Variants in SF1 observed in about 807,000 individuals in gnomAD.
The protein encoded by SF1 is branch point-binding protein.
Under a neutral mutation model 62.5 loss-of-function variants are expected in SF1, and 7 were observed. The ratio of observed to expected loss-of-function variants is 0.11; its 90% CI spans 0.06 to 0.21. The LOEUF (loss-of-function observed/expected upper bound fraction) is 0.21. Ranked by LOEUF, SF1 falls within the 10% of genes least tolerant of loss-of-function variation. SF1 has a pLI of 1.00. For synonymous variants in SF1, 394 were observed against 323.6 expected, an observed-to-expected ratio of 1.22 and a Z score of -2.33; for missense variants, 578 against 884.0, an observed-to-expected ratio of 0.65 and a Z score of 4.39.
chr11:64,771,224 G>A (rs1157817319), intron 3 of SF1, among the ~76,000 whole-genome samples: 1 of 152,088 alleles, frequency 6.6e-6, no homozygotes, highest in East Asian at 1.9e-4. Flanking sequence ...ATTTTTTTAA[G>A]GAGTAAAATG....
chr11:64,776,832 G>C (rs1188787073), intron 1 of SF1, among the ~76,000 whole-genome samples: 1 of 152,148 alleles, frequency 6.6e-6, no homozygotes, highest in Non-Finnish European at 1.5e-5. Context: ...GTGGTCCTTG[G>C]TCAGGCAAGT....
intron 2 of SF1, among the ~76,000 whole-genome samples, chr11:64,773,850 A>AG (rs1357852130): frequency 6.6e-6 from 1 of 152,238 alleles, no homozygotes; most frequent in Non-Finnish European, 1.5e-5. Flanking sequence ...ATTGGTACCC[A>AG]GAACCATAAA....
intron 1 of SF1, among the ~76,000 whole-genome samples, chr11:64,776,885 T>C (rs978360738): frequency 5.9e-5 from 9 of 152,190 alleles, no homozygotes; most frequent in African/African-American, 1.9e-4. Flanking sequence ...GTCAGATATA[T>C]AAACGTGGTA....
In SF1 at chr11:64,766,511, C is replaced by G. The variant is rs975652926; in HGVS notation, c.1583-356G>C. ...GCCACAGCTGCTGTCTCCCCACTGCCCAGTCCCACCTCTGCAGTCTCTCAC... is the reference window on the plus strand; with the variant it reads ...GCCACAGCTGCTGTCTCCCCACTGCGCAGTCCCACCTCTGCAGTCTCTCAC... On this transcript the variant is annotated intron_variant, in intron 12 of 12. Transcript: ENST00000377390. The G allele has an allele frequency of 8.9e-6, 4 of 447,792 alleles. No homozygotes were observed. The Admixed American group carries it at 1.2e-4, about 14-fold the overall frequency. The allele number at this position is 447,792 out of a possible 1,614,324, so 27.7% of individuals were successfully genotyped here.
chr11:64,765,777 A>AT lies in SF1; in HGVS notation c.*40dup. On this transcript the variant is annotated 3_prime_UTR_variant, in exon 13 of 13. Coordinates refer to ENST00000377390, the MANE Select transcript of SF1 (RefSeq NM_004630.4). Reference sequence around the variant, plus strand: ...GGTTCGGCGTGTTTAAACGAGACCAATTCTCTCTATATATAATATATATTT... The same window carrying AT: ...GGTTCGGCGTGTTTAAACGAGACCAATTTCTCTCTATATATAATATATATTT... 1 of 1,497,542 alleles carries AT rather than the reference A, an allele frequency of 6.7e-7. No homozygotes were observed. Among genetic ancestry groups the AT allele is most frequent in the African/African-American group, 1.4e-5 (1 of 70,642 alleles). 92.8% of individuals were successfully genotyped at this position (1,497,542 alleles called of 1,614,324 possible).
At chr11:64,769,878 G>C in intron 5 of SF1, 86 bp downstream of exon 5, 5 of 1,042,852 alleles carry the variant, frequency 4.8e-6, no homozygotes, top group Non-Finnish European at 7.2e-6. Flanking sequence ...GGAAAAGTAA[G>C]CCAACAGTCC....
intron 5 of SF1, 108 bp from the exon 6 acceptor site, chr11:64,769,717 G>A (rs1937984540): frequency 9.5e-7 from 1 of 1,051,602 alleles, no homozygotes; most frequent in East Asian, 2.4e-5. Flanking sequence ...GCAGAGAATT[G>A]GATTTTCCCA....
intron 1 of SF1, chr11:64,777,681 C>G (rs1407228288): frequency 1.0e-6 from 1 of 985,522 alleles, no homozygotes; most frequent in African/African-American, 1.7e-5. Context: ...CCCCTGTTCC[C>G]GACACCAGCG....
Position 64,778,515 on chromosome 11 carries a change from C to T in SF1, c.-123G>A. ...AGCGCGCGGAGCCCGTCCTCTCACG[C>T]GGCGGGCGGCGGCGGCGCGAGACGC... On this transcript the variant is annotated 5_prime_UTR_variant, in exon 1 of 13. Coordinates refer to ENST00000377390, the MANE Select transcript of SF1 (RefSeq NM_004630.4). 13 of 1,132,018 alleles carry T rather than the reference C, an allele frequency of 1.1e-5. No homozygotes were observed. Among genetic ancestry groups the T allele is most frequent in the East Asian group, 4.1e-5 (1 of 24,206 alleles). 70.1% of individuals were successfully genotyped at this position (1,132,018 alleles called of 1,614,324 possible).
intron 9 of SF1, 108 bp from the exon 10 acceptor site, chr11:64,767,952 A>G: frequency 6.7e-7 from 1 of 1,487,306 alleles, no homozygotes; most frequent in Non-Finnish European, 9.0e-7. Context: ...GTCTTCCCGA[A>G]GTGAGAAGTC....
In SF1 at chr11:64,767,027, G is replaced by GGGAGGC. The variant is rs1166335907; in HGVS notation, c.1449_1454dup (p.Pro484_Pro485dup). 4.5e-6 allele frequency: 7 copies of GGGAGGC among 1,551,328 alleles called. No homozygotes were observed. The highest frequency in any genetic ancestry group is 2.5e-5 in the South Asian group (2 of 81,148). On this transcript the variant is annotated inframe_insertion, in exon 12 of 13. Coordinates refer to ENST00000377390, the MANE Select transcript of SF1 (RefSeq NM_004630.4). ...AGGGAGGGGGTGGGGGCTGCCCACTGGGAGGCGGCGGCGGCGGCGGCATCA... is the reference window on the plus strand; with the variant it reads ...AGGGAGGGGGTGGGGGCTGCCCACTGGGAGGCGGAGGCGGCGGCGGCGGCGGCATCA...
Position 64,764,624 on chromosome 11 carries a change from T to A in SF1, c.*1194A>T, listed in dbSNP as rs975357385. 3 of 152,564 alleles carry A rather than the reference T, an allele frequency of 2.0e-5. No individual in the cohort carries two copies. The highest frequency in any genetic ancestry group is 7.2e-5 in the African/African-American group (3 of 41,456). 9.5% of individuals were successfully genotyped at this position (152,564 alleles called of 1,614,324 possible). ...AAGCAGACCCAGAAAACCACACTGC[T>A]CTTTTATTCAATGGAACATCCCCGC... On this transcript the variant is annotated 3_prime_UTR_variant, in exon 13 of 13. Transcript: ENST00000377390.
Position 64,765,465 on chromosome 11 carries a change from C to T in SF1, c.*353G>A, listed in dbSNP as rs747723285. On this transcript the variant is annotated 3_prime_UTR_variant, in exon 13 of 13. Coordinates refer to ENST00000377390, the MANE Select transcript of SF1 (RefSeq NM_004630.4). ...TCTGCCTGGAAGGGTCACCAATGGG[C>T]GCGGAAAGTCCTCACTCTCATGGCT... The T allele has an allele frequency of 3.0e-5, 49 of 1,613,006 alleles. No individual in the cohort carries two copies. Among genetic ancestry groups the T allele is most frequent in the Non-Finnish European group, 3.0e-5 (35 of 1,179,394 alleles).
intron 12 of SF1, chr11:64,766,464 G>A (rs987198227): frequency 9.1e-5 from 44 of 483,658 alleles, no homozygotes; most frequent in Non-Finnish European, 4.0e-5. Flanking sequence ...CGCCACCACC[G>A]AACGGCACAT....
intron 2 of SF1, among the ~76,000 whole-genome samples, chr11:64,774,211 AG>A (rs992827485): frequency 6.6e-6 from 1 of 152,194 alleles, no homozygotes; most frequent in African/African-American, 2.4e-5. Flanking sequence ...GTAACCATAA[AG>A]TGCTAAGAAT....
rs1565561740 is a variant in SF1, at chr11:64,768,144, G to C, written c.1030C>G (p.Pro344Ala). 1.9e-6 allele frequency: 3 copies of C among 1,613,020 alleles called. No individual in the cohort carries two copies. The highest frequency in any genetic ancestry group is 1.7e-6 in the Non-Finnish European group (2 of 1,179,520). Residue 344 changes from proline (P) to alanine (A), a missense_variant, in exon 9 of 13, where the codon CCT (proline) becomes GCT (alanine). Pro to Ala is a conservative substitution (Grantham distance 27). Transcript: ENST00000377390. ...GPATTPLASA[P>A]RPAAPANNPP... ...TTGTTGGCGGGAGCAGCAGGACGAG[G>C]TGCGCTGGCCAGGGGTGTGGTGGCA...
At chr11:64,773,793 T>C (rs1938690008) in intron 2 of SF1, among the ~76,000 whole-genome samples, 1 of 152,126 alleles carries the variant, frequency 6.6e-6, no homozygotes, top group African/African-American at 2.4e-5. Flanking sequence ...TCCAAGCAAT[T>C]ATTAGGAGGT....
chr11:64,768,163 G>C lies in SF1; in HGVS notation c.1011C>G (p.Thr337=), dbSNP rs1321139242. The change falls in exon 9 of 13, where the codon ACC becomes ACG. Residue 337 remains threonine (T), a synonymous_variant. Transcript: ENST00000377390. ...ASVGSTSGPA[T]TPLASAPRPA... ...GACGAGGTGCGCTGGCCAGGGGTGT[G>C]GTGGCAGGCCCAGAGGTGGAGCCCA... The C allele has an allele frequency of 1.2e-6, 2 of 1,614,018 alleles. No homozygotes were observed. Among genetic ancestry groups the C allele is most frequent in the Non-Finnish European group, 1.7e-6 (2 of 1,179,982 alleles).
intron 1 of SF1, 49 bp downstream of exon 1, chr11:64,778,313 C>T: frequency 1.6e-6 from 2 of 1,223,034 alleles, no homozygotes; most frequent in Admixed American, 4.3e-5. Flanking sequence ...CGGCTCGAAG[C>T]CTCCTTTGGG....
Sources: gnomAD v4.1 joint callset for allele counts (sites outside exome capture counted in the v4.1 genomes callset) on GRCh38, gnomAD v4.1.1 for gene constraint, MANE v1.5 for transcripts, NCBI Gene and HGNC (gene_info 2026-07-23, HGNC 2026-07-21) for gene names.